The following ANKRD29 variants were observed in gnomAD, a reference collection of about 807,000 sequenced individuals.
The protein encoded by ANKRD29 is ankyrin repeat domain-containing protein 29.
A neutral mutation model predicts 38.0 loss-of-function variants in ANKRD29; 32 were observed. The observed-to-expected ratio is 0.84, with a 90% CI of 0.64 to 1.13. The LOEUF is 1.13. Among genes scored for constraint, ANKRD29 ranks in the 50% most tolerant of loss-of-function variants. ANKRD29 has a pLI of 0.00. For missense variants in ANKRD29, 357 were observed against 377.9 expected (o/e 0.94, Z 0.46); for synonymous variants, 135 against 152.4 (o/e 0.89, Z 0.84).
chr18:23,613,273 A>G (rs993404040), intron 8 of ANKRD29, among the ~76,000 whole-genome samples: 2 of 150,950 alleles, frequency 1.3e-5, no homozygotes, highest in African/African-American at 4.9e-5. Context: ...CCAGGGCTCA[A>G]ACGATTCTCG....
rs777984740 is a variant in ANKRD29, at chr18:23,629,922, G to A, written c.459C>T (p.Ala153=). The A allele has an allele frequency of 3.7e-6, 6 of 1,614,106 alleles. No homozygotes were observed. The South Asian group carries it at 6.6e-5, about 18-fold the overall frequency. ...GAATAACATCCAAGTAACCACCTTG[G>A]GCAGCTAGGAAGAGGGCAGTGGCTC... ...YDGATALFLA[A]QGGYLDVIRL... is the part of the protein sequence containing the mutation. Residue 153 remains alanine, a synonymous_variant, in exon 6 of 10, where the codon GCC becomes GCT. Transcript: ENST00000592179.
chr18:23,608,501 T>G (rs1197487352), intron 9 of ANKRD29, among the ~76,000 whole-genome samples: 2 of 152,248 alleles, frequency 1.3e-5, no homozygotes, highest in Non-Finnish European at 2.9e-5. Flanking sequence ...TGCTGGTGAT[T>G]ATTCCATTAT....
intron 1 of ANKRD29, among the ~76,000 whole-genome samples, chr18:23,652,484 T>A (rs1299263185): frequency 1.3e-5 from 2 of 152,116 alleles, no homozygotes; most frequent in African/African-American, 4.8e-5. Flanking sequence ...CTATCCTCCA[T>A]CCCAAGCTCC....
chr18:23,599,120 A>C lies in ANKRD29; in HGVS notation c.*2106T>G, dbSNP rs2059485042. On this transcript the variant is annotated 3_prime_UTR_variant, in exon 10 of 10. Transcript: ENST00000592179. ...ATAGAATAATCATTTACATGTGTGC[A>C]AACTAAAATGCAATTTTGAAAATAA... The C allele has an allele frequency of 6.6e-6, 1 of 152,238 alleles. No homozygotes were observed. Among genetic ancestry groups the C allele is most frequent in the African/African-American group, 2.4e-5 (1 of 41,458 alleles). The allele number at this position is 152,238 out of a possible 1,614,324, so 9.4% of individuals were successfully genotyped here.
chr18:23,650,031 C>A (rs1180239619), intron 1 of ANKRD29, among the ~76,000 whole-genome samples: 1 of 150,340 alleles, frequency 6.7e-6, no homozygotes, highest in Non-Finnish European at 1.5e-5. Context: ...CCCGGCCCCT[C>A]CATCTAATTT....
chr18:23,633,911 A>G (rs1189130403), intron 5 of ANKRD29, 140 bp downstream of exon 5: 4 of 801,220 alleles, frequency 5.0e-6, no homozygotes, highest in African/African-American at 3.4e-5. Context: ...CTGGTCCGCT[A>G]TATATTTTTC....
intron 8 of ANKRD29, among the ~76,000 whole-genome samples, chr18:23,617,165 C>A (rs1322615304): frequency 3.9e-5 from 6 of 152,050 alleles, no homozygotes; most frequent in Non-Finnish European, 8.8e-5. Flanking sequence ...TGCAGTGAGC[C>A]GAGATCGTGC....
intron 5 of ANKRD29, 69 bp from the exon 6 acceptor site, chr18:23,630,020 G>A (rs1273959756): frequency 6.6e-6 from 9 of 1,356,536 alleles, no homozygotes; most frequent in African/African-American, 5.8e-5. Context: ...AAATTAGGGC[G>A]GGTGCAGTGG....
intron 1 of ANKRD29, 90 bp downstream of exon 1, chr18:23,662,620 C>CCAAA: frequency 2.5e-6 from 1 of 406,726 alleles, no homozygotes; most frequent in Non-Finnish European, 4.4e-6. Flanking sequence ...AGCGCCCACC[C>CCAAA]CATCCCACCC....
At chr18:23,645,677 C>T (rs1456946869) in intron 3 of ANKRD29, among the ~76,000 whole-genome samples, 1 of 152,214 alleles carries the variant, frequency 6.6e-6, no homozygotes. Context: ...AGTGTGGGAA[C>T]AGGCTCACAT....
At chr18:23,633,957 G>T (rs867166829) in intron 5 of ANKRD29, 94 bp downstream of exon 5, 1 of 1,255,466 alleles carries the variant, frequency 8.0e-7, no homozygotes, top group Non-Finnish European at 1.2e-6. Context: ...GTCCATTAAA[G>T]TATTTTTGAA....
chr18:23,645,209 G>A (rs747348109), intron 3 of ANKRD29, among the ~76,000 whole-genome samples: 7 of 152,188 alleles, frequency 4.6e-5, no homozygotes, highest in South Asian at 2.1e-4. Context: ...TGACCTGAGC[G>A]TGTGTCTCCA....
At chr18:23,662,617 A>AAACCCCCCCCCCCCC in intron 1 of ANKRD29, 93 bp downstream of exon 1, 1 of 137,646 alleles carries the variant, frequency 7.3e-6, no homozygotes, top group Non-Finnish European at 1.3e-5. Flanking sequence ...GGCAGCGCCC[A>AAACCCCCCCCCCCCC]CCCCATCCCA....
intron 8 of ANKRD29, among the ~76,000 whole-genome samples, chr18:23,614,387 A>G (rs950654307): frequency 6.6e-6 from 1 of 152,196 alleles, no homozygotes; most frequent in Non-Finnish European, 1.5e-5. Context: ...GCCAAAAAAG[A>G]GCTGTTTGAA....
chr18:23,646,131 T>G, intron 3 of ANKRD29, 58 bp downstream of exon 3: 1 of 1,523,958 alleles, frequency 6.6e-7, no homozygotes, highest in Non-Finnish European at 9.1e-7. Flanking sequence ...TTCACTATCA[T>G]GAAAACTTCA....
chr18:23,612,222 G>A, intron 8 of ANKRD29, 32 bp from the exon 9 acceptor site: 12 of 1,587,022 alleles, frequency 7.6e-6, no homozygotes, highest in Non-Finnish European at 1.0e-5. Flanking sequence ...TGTCAGGAGT[G>A]AGCTCACAGC....
At position 23,600,923 on chromosome 18, in the gene ANKRD29, A is replaced by T. The variant is rs2059503403; in HGVS notation, c.*303T>A. 8 of 228,578 alleles carry T rather than the reference A, an allele frequency of 3.5e-5. No individual in the cohort carries two copies. The South Asian group carries it at 6.8e-4, about 20-fold the overall frequency. 14.2% of individuals were successfully genotyped at this position (228,578 alleles called of 1,614,324 possible). A position where few individuals can be genotyped will look rare whatever the true frequency, so the allele number is the denominator to read the frequency against. Reference sequence around the variant, plus strand: ...CCCTGTCCACCTTAGAGTTTAACTGACAGGTCCAAGTTAGCATTGTTGAAA... The same window carrying T: ...CCCTGTCCACCTTAGAGTTTAACTGTCAGGTCCAAGTTAGCATTGTTGAAA... On this transcript the variant is annotated 3_prime_UTR_variant, in exon 10 of 10. Transcript: ENST00000592179.
At chr18:23,620,128 T>G (rs1378381653) in intron 6 of ANKRD29, among the ~76,000 whole-genome samples, 1 of 152,062 alleles carries the variant, frequency 6.6e-6, no homozygotes, top group South Asian at 2.1e-4. Flanking sequence ...TTCATTCCCA[T>G]AGAACGCAGG....
intron 6 of ANKRD29, among the ~76,000 whole-genome samples, chr18:23,626,856 T>C (rs1265853755): frequency 6.6e-6 from 1 of 152,208 alleles, no homozygotes; most frequent in Non-Finnish European, 1.5e-5. Flanking sequence ...AATAAAATGG[T>C]AGGGCTTCAT....
Sources: allele counts gnomAD v4.1 joint callset (sites outside exome capture counted in the v4.1 genomes callset), GRCh38; gene constraint gnomAD v4.1.1; transcripts MANE v1.5; gene names NCBI Gene and HGNC (gene_info 2026-07-23, HGNC 2026-07-21).